Variants in COL16A1 observed in about 807,000 individuals in gnomAD.
COL16A1 encodes collagen alpha-1(XVI) chain.
In COL16A1, 189 loss-of-function variants were observed where a neutral mutation model predicts 266.3. That is an observed-to-expected ratio of 0.71 (90% CI 0.63 to 0.80). The LOEUF (loss-of-function observed/expected upper bound fraction) is 0.80, where lower values mean the gene tolerates loss of function less well. COL16A1 is among the 30% of genes least tolerant of loss of function. COL16A1 has a pLI of 0.00. For missense variants in COL16A1, 1,928 were observed against 2,122.4 expected (o/e 0.91, Z 1.80); for synonymous variants, 740 against 782.3 (o/e 0.95, Z 0.90).
In COL16A1 at chr1:31,692,816, T is replaced by C; in HGVS notation, c.1072-8A>G. On this transcript the variant is annotated splice_region_variant and splice_polypyrimidine_tract_variant and intron_variant, in intron 13 of 70. Coordinates refer to ENST00000373672, the MANE Select transcript of COL16A1 (RefSeq NM_001856.4). Reference sequence around the variant, plus strand: ...TCGAACACAGTCATTGCCCTGGGAGTAGGGAACAAGGGATCAGGGGTGGGA... The same window carrying C: ...TCGAACACAGTCATTGCCCTGGGAGCAGGGAACAAGGGATCAGGGGTGGGA... 1 of 1,613,220 alleles carries C rather than the reference T, an allele frequency of 6.2e-7. No individual in the cohort carries two copies. Among genetic ancestry groups the C allele is most frequent in the African/African-American group, 1.3e-5 (1 of 74,872 alleles).
At position 31,660,587 on chromosome 1, in the gene COL16A1, C is replaced by G. The variant is rs754855376; in HGVS notation, c.3877G>C (p.Val1293Leu). The G allele has an allele frequency of 6.2e-7, 1 of 1,614,024 alleles. No individual in the cohort carries two copies. The highest frequency in any genetic ancestry group is 8.5e-7 in the Non-Finnish European group (1 of 1,179,974). The change falls in exon 62 of 71, where the codon GTT (valine) becomes CTT (leucine). Residue 1293 changes from valine to leucine, a missense_variant and splice_region_variant. Transcript: ENST00000373672. The part of the protein sequence containing the change: ...PQGRPGPPGH[V>L]GPPGPPGQPG... ...GAGACAAAAGTGGTTCAACTCACAA[C>G]GTGTCCCGGGGGACCGGGTCTTCCC... is the stretch of plus-strand genomic sequence containing the variant.
chr1:31,661,016 CAG>C (rs752680204), intron 61 of COL16A1, 48 bp downstream of exon 61: 110 of 1,532,832 alleles, frequency 7.2e-5, no homozygotes, highest in Non-Finnish European at 9.2e-5. Flanking sequence ...CCAGACTCTG[CAG>C]AGTCTGAAGG....
At chr1:31,671,471 C>T in intron 48 of COL16A1, 144 bp downstream of exon 48, 3 of 984,292 alleles carry the variant, frequency 3.0e-6, no homozygotes, top group Admixed American at 4.5e-5. Context: ...CCTGCAGATG[C>T]TCTGCGGAGG....
At position 31,688,530 on chromosome 1, in the gene COL16A1, G is replaced by C. The variant is rs370698502; in HGVS notation, c.1768-28C>G. On this transcript the variant is annotated intron_variant, in intron 25 of 70. Transcript: ENST00000373672. The surrounding 1 kb of genome is among the most constrained non-coding windows in gnomAD (Gnocchi z 4.9). Reference sequence around the variant, plus strand: ...GAAAAACAACCAAGACAGAGTCTCAGCATCTCCCCACTCCCACCTCTCCAA... The same window carrying C: ...GAAAAACAACCAAGACAGAGTCTCACCATCTCCCCACTCCCACCTCTCCAA... 1.9e-6 allele frequency: 3 copies of C among 1,614,062 alleles called. No individual in the cohort carries two copies. The highest frequency in any genetic ancestry group is 2.5e-6 in the Non-Finnish European group (3 of 1,179,996).
At position 31,684,006 on chromosome 1, in the gene COL16A1, A is replaced by G. The variant is rs1351633010; in HGVS notation, c.2284-3T>C. ...ACTCCTGGTAGACCGGGTTGGCCCTAAAAGGCATAAGGTGGCCCATGGAGT... is the reference window on the plus strand; with the variant it reads ...ACTCCTGGTAGACCGGGTTGGCCCTGAAAGGCATAAGGTGGCCCATGGAGT... On this transcript the variant is annotated splice_region_variant and splice_polypyrimidine_tract_variant and intron_variant, in intron 32 of 70. Transcript: ENST00000373672. 5 of 1,614,046 alleles carry G rather than the reference A, an allele frequency of 3.1e-6. No homozygotes were observed. The highest frequency in any genetic ancestry group is 4.2e-6 in the Non-Finnish European group (5 of 1,180,014).
At position 31,679,650 on chromosome 1, in the gene COL16A1, A is replaced by G. The variant is rs1643455576; in HGVS notation, c.2754T>C (p.Pro918=). 1 of 1,614,132 alleles carries G rather than the reference A, an allele frequency of 6.2e-7. No homozygotes were observed. Among genetic ancestry groups the G allele is most frequent in the Admixed American group, 1.7e-5 (1 of 60,022 alleles). ...PPGIPGPPGP[P]GVPGLQGVPG... ...CCTTTACCTGCAGCCCAGGTACTCCAGGGGGGCCTGGTGGTCCGGGAATAC... is the reference window on the plus strand; with the variant it reads ...CCTTTACCTGCAGCCCAGGTACTCCGGGGGGGCCTGGTGGTCCGGGAATAC... Residue 918 remains proline, a synonymous_variant, in exon 42 of 71, where the codon CCT becomes CCC. Transcript: ENST00000373672.
intron 17 of COL16A1, 131 bp from the exon 18 acceptor site, chr1:31,691,773 A>C: frequency 3.6e-6 from 4 of 1,102,564 alleles, no homozygotes; most frequent in Admixed American, 2.7e-5. Context: ...CTGGTGCCCC[A>C]AGGTCAGCAC....
intron 2 of COL16A1, chr1:31,701,352 A>AG: frequency 1.0e-6 from 1 of 985,198 alleles, no homozygotes; most frequent in Non-Finnish European, 1.2e-6. Flanking sequence ...AGAAACACAT[A>AG]TGTGCACATA....
At chr1:31,686,070 G>A (rs767723636) in intron 28 of COL16A1, 21 bp downstream of exon 28, 29 of 1,613,348 alleles carry the variant, frequency 1.8e-5, no homozygotes, top group East Asian at 1.1e-4. Context: ...GCTGCAGCAC[G>A]GAGAATGTCC....
chr1:31,657,051 A>G lies in COL16A1; in HGVS notation c.4038T>C (p.Asp1346=), dbSNP rs1641229161. Reference sequence around the variant, plus strand: ...ACTGTACCTCTTTGCCAGCTGCACCATCCGTACCAGGTTCGCCCTGGGGAG... The same window carrying G: ...ACTGTACCTCTTTGCCAGCTGCACCGTCCGTACCAGGTTCGCCCTGGGGAG... ...HPGPPGEPGT[D]GAAGKEGPPG... Residue 1346 remains aspartate, a synonymous_variant, in exon 65 of 71, where the codon GAT becomes GAC. Coordinates refer to ENST00000373672, the MANE Select transcript of COL16A1 (RefSeq NM_001856.4). The surrounding 1 kb of genome is among the most constrained non-coding windows in gnomAD (Gnocchi z 6.4). 6.2e-7 allele frequency: 1 copy of G among 1,614,038 alleles called. No individual in the cohort carries two copies. The highest frequency in any genetic ancestry group is 1.3e-5 in the African/African-American group (1 of 74,922).
chr1:31,681,110 C>T (rs764199494), intron 37 of COL16A1, 43 bp from the exon 38 acceptor site: 52 of 1,578,676 alleles, frequency 3.3e-5, no homozygotes, highest in Middle Eastern at 2.0e-4. Flanking sequence ...GACTGGGCAG[C>T]GGCCAGCCAT....
chr1:31,672,023 T>C (rs562844638), intron 47 of COL16A1, among the ~76,000 whole-genome samples: 1 of 152,336 alleles, frequency 6.6e-6, no homozygotes, highest in South Asian at 2.1e-4. Flanking sequence ...AGAATGTTCC[T>C]GAATGAAGTA....
At chr1:31,658,822 T>C in intron 63 of COL16A1, 92 bp downstream of exon 63, 2 of 1,438,446 alleles carry the variant, frequency 1.4e-6, no homozygotes, top group Non-Finnish European at 1.9e-6. Flanking sequence ...AGACAAACTG[T>C]TCTCCATCCC....
At chr1:31,677,381 G>A (rs374006075) in intron 42 of COL16A1, among the ~76,000 whole-genome samples, 2 of 152,370 alleles carry the variant, frequency 1.3e-5, no homozygotes, top group Middle Eastern at 3.4e-3. Context: ...GAGCCACCAC[G>A]CCTGGCCCGA....
At chr1:31,696,270 G>A in intron 8 of COL16A1, 129 bp from the exon 9 acceptor site, 1 of 750,028 alleles carries the variant, frequency 1.3e-6, no homozygotes, top group East Asian at 2.6e-5. Context: ...CACCTCCTGG[G>A]GCATCAAGGG....
Position 31,668,886 on chromosome 1 carries a change from G to A in COL16A1, c.3196-31C>T. 1.2e-6 allele frequency: 2 copies of A among 1,607,368 alleles called. No individual in the cohort carries two copies. Among genetic ancestry groups the A allele is most frequent in the Non-Finnish European group, 1.7e-6 (2 of 1,176,212 alleles). On this transcript the variant is annotated intron_variant, in intron 49 of 70. Transcript: ENST00000373672. The surrounding 1 kb of genome is among the most constrained non-coding windows in gnomAD (Gnocchi z 5.8). ...AGAGAAAAATCATGAGAAACTGCAG[G>A]AGCCGGCGGTCCCCACCCAGCCCCT...
chr1:31,657,021 G>A lies in COL16A1; in HGVS notation c.4056+12C>T. 6.2e-7 allele frequency: 1 copy of A among 1,614,178 alleles called. No homozygotes were observed. Among genetic ancestry groups the A allele is most frequent in the Non-Finnish European group, 8.5e-7 (1 of 1,180,026 alleles). On this transcript the variant is annotated intron_variant, in intron 65 of 70. Coordinates refer to ENST00000373672, the MANE Select transcript of COL16A1 (RefSeq NM_001856.4). The surrounding 1 kb of genome is among the most constrained non-coding windows in gnomAD (Gnocchi z 6.4). Reference sequence around the variant, plus strand: ...ACCCCCAAGGAAACAGAGAAGACCAGTACAACTGTACCTCTTTGCCAGCTG... The same window carrying A: ...ACCCCCAAGGAAACAGAGAAGACCAATACAACTGTACCTCTTTGCCAGCTG...
intron 37 of COL16A1, among the ~76,000 whole-genome samples, chr1:31,681,717 T>C (rs907177294): frequency 6.6e-6 from 1 of 152,244 alleles, no homozygotes; most frequent in African/African-American, 2.4e-5. Context: ...GAAGCCAGCC[T>C]GGCCACGCAG....
intron 17 of COL16A1, 57 bp downstream of exon 17, chr1:31,691,948 C>T: frequency 2.5e-6 from 4 of 1,612,110 alleles, no homozygotes; most frequent in Non-Finnish European, 3.4e-6. Context: ...GGTTAAATCC[C>T]AGCATTCTCA....
Sources: allele counts gnomAD v4.1 joint callset (sites outside exome capture counted in the v4.1 genomes callset), GRCh38; gene constraint gnomAD v4.1.1; non-coding constraint Gnocchi (gnomAD v3.1); transcripts MANE v1.5; gene names NCBI Gene and HGNC (gene_info 2026-07-23, HGNC 2026-07-21).